Variants in ZNF558 observed in about 807,000 individuals in gnomAD.
ZNF558 encodes zinc finger protein 558.
ZNF558 carries 23 observed loss-of-function variants against 37.6 expected under a neutral mutation model. The ratio of observed to expected loss-of-function variants is 0.61; its 90% CI spans 0.44 to 0.87. The LOEUF (loss-of-function observed/expected upper bound fraction) is 0.87. Ranked by LOEUF, ZNF558 falls within the 40% of genes least tolerant of loss-of-function variation. The pLI is 0.00. For synonymous variants in ZNF558, 189 were observed against 174.4 expected (o/e 1.08, Z -0.66); for missense variants, 429 against 483.7 (o/e 0.89, Z 1.06).
chr19:8,823,510 C>T (rs929598072), intron 4 of ZNF558, among the ~76,000 whole-genome samples: 5 of 126,652 alleles, frequency 3.9e-5, no homozygotes, highest in Non-Finnish European at 8.3e-5. Flanking sequence ...GCCTCAGTTA[C>T]CCCCTCTCCT....
At chr19:8,826,597 G>C (rs2044237426) in intron 2 of ZNF558, among the ~76,000 whole-genome samples, 1 of 152,116 alleles carries the variant, frequency 6.6e-6, no homozygotes, top group South Asian at 2.1e-4. Flanking sequence ...TGCGAGCAAT[G>C]AGGAGTGGCT....
intron 7 of ZNF558, among the ~76,000 whole-genome samples, chr19:8,814,434 G>A (rs782123736): frequency 3.2e-4 from 49 of 152,312 alleles, no homozygotes; most frequent in Middle Eastern, 3.4e-3. Flanking sequence ...CTTGAGGCAA[G>A]AGAAAACAGT....
chr19:8,822,795 T>C lies in ZNF558; in HGVS notation c.-65-71A>G. ...TCGGGCTGCTGGGGATGGGCCCTCC[T>C]CAACCCATCCTTCCCATCCTTCTTC... is the stretch of plus-strand genomic sequence containing the variant. On this transcript the variant is annotated intron_variant, in intron 4 of 9. Coordinates refer to ENST00000601372, the MANE Select transcript of ZNF558 (RefSeq NM_144693.3). The surrounding 1 kb of genome is among the most constrained non-coding windows in gnomAD (Gnocchi z 4.4). The C allele has an allele frequency of 2.2e-6, 3 of 1,338,742 alleles. No individual in the cohort carries two copies. The highest frequency in any genetic ancestry group is 3.2e-6 in the Non-Finnish European group (3 of 951,878). 82.9% of individuals were successfully genotyped at this position (1,338,742 alleles called of 1,614,324 possible). A position where few individuals can be genotyped will look rare whatever the true frequency, so the allele number is the denominator to read the frequency against.
chr19:8,829,196 G>T (rs1464904395), intron 2 of ZNF558, among the ~76,000 whole-genome samples: 1 of 151,876 alleles, frequency 6.6e-6, no homozygotes, highest in East Asian at 1.9e-4. Context: ...GAGGCCGGGG[G>T]TTGCAGTGAG....
chr19:8,814,154 G>A lies in ZNF558; in HGVS notation c.248-932C>T, dbSNP rs111480653. Reference sequence around the variant, plus strand: ...TTCTCAGAAAACCCAGCTGAATCTGGGTAAGAGAGCTTTATGATACTTTAA... The same window carrying A: ...TTCTCAGAAAACCCAGCTGAATCTGAGTAAGAGAGCTTTATGATACTTTAA... On this transcript the variant is annotated intron_variant, in intron 7 of 9. Coordinates refer to ENST00000601372, the MANE Select transcript of ZNF558 (RefSeq NM_144693.3). Among the ~76,000 whole-genome samples, 577 of 152,290 alleles carry A rather than the reference G, an allele frequency of 3.8e-3. 7 individuals are homozygous for A. The highest frequency in any genetic ancestry group is 0.013 in the African/African-American group (552 of 41,558).
the ZNF558 span, among the ~76,000 whole-genome samples, chr19:8,837,916 A>G: frequency 1.3e-5 from 2 of 152,228 alleles, no homozygotes; most frequent in African/African-American, 4.8e-5. Context: ...AGAGTTCCTT[A>G]TACACAGGAG....
chr19:8,832,880 C>A (rs528565863), upstream of ZNF558, among the ~76,000 whole-genome samples: 17 of 150,290 alleles, frequency 1.1e-4, no homozygotes, highest in African/African-American at 3.4e-4. Flanking sequence ...AGCTCCGGGC[C>A]GGGCGGAGGG....
At position 8,811,996 on chromosome 19, in the gene ZNF558, G is replaced by C; in HGVS notation, c.494C>G (p.Ser165Cys). 1 of 1,613,626 alleles carries C rather than the reference G, an allele frequency of 6.2e-7. No individual in the cohort carries two copies. ...AATTCTCTTGTGCTGAGTTAGGTTA[G>C]ATTTCGTGCTGAAGACTTTAAAACA... ...NQCFKVFSTK[S>C]NLTQHKRIHT... Residue 165 changes from serine to cysteine, a missense_variant, in exon 10 of 10, where the codon TCT (serine) becomes TGT (cysteine). Coordinates refer to ENST00000601372, the MANE Select transcript of ZNF558 (RefSeq NM_144693.3).
upstream of ZNF558, among the ~76,000 whole-genome samples, chr19:8,832,751 A>T (rs1413867486): frequency 6.7e-6 from 1 of 148,872 alleles, no homozygotes; most frequent in African/African-American, 2.5e-5. Flanking sequence ...TAGAGCGGGG[A>T]TGACTGAGCA....
chr19:8,837,929 A>G, the ZNF558 span, among the ~76,000 whole-genome samples: 1 of 152,098 alleles, frequency 6.6e-6, no homozygotes, highest in African/African-American at 2.4e-5. Context: ...CACAGGAGAC[A>G]GCAAGGCTGA....
chr19:8,812,697 G>A, intron 8 of ZNF558, 54 bp from the exon 9 acceptor site: 1 of 1,172,206 alleles, frequency 8.5e-7, no homozygotes, highest in Non-Finnish European at 1.2e-6. Context: ...ATGGAAAAGT[G>A]TACACATGAG....
chr19:8,826,437 T>C (rs755977238), intron 2 of ZNF558, among the ~76,000 whole-genome samples: 1 of 151,062 alleles, frequency 6.6e-6, no homozygotes, highest in Non-Finnish European at 1.5e-5. Context: ...CTGGGGGTGA[T>C]GGGAGACAGC....
At chr19:8,827,647 C>T (rs1428619137) in intron 2 of ZNF558, among the ~76,000 whole-genome samples, 1 of 145,680 alleles carries the variant, frequency 6.9e-6, no homozygotes, top group Non-Finnish European at 1.5e-5. Context: ...AATCTCTGCT[C>T]ACTGCAACCT....
Position 8,811,194 on chromosome 19 carries a change from A to G in ZNF558, c.*87T>C, listed in dbSNP as rs1555767746. The G allele has an allele frequency of 1.5e-6, 2 of 1,376,938 alleles. No individual in the cohort carries two copies. Among genetic ancestry groups the G allele is most frequent in the East Asian group, 4.7e-5 (2 of 42,554 alleles). 85.3% of individuals were successfully genotyped at this position (1,376,938 alleles called of 1,614,324 possible). ...GATCATTTGTTATGCTGCAACAAATAACTTATATATCCAGTGTGAGCTCTC... is the reference window on the plus strand; with the variant it reads ...GATCATTTGTTATGCTGCAACAAATGACTTATATATCCAGTGTGAGCTCTC... On this transcript the variant is annotated 3_prime_UTR_variant, in exon 10 of 10. Coordinates refer to ENST00000601372, the MANE Select transcript of ZNF558 (RefSeq NM_144693.3).
upstream of ZNF558, among the ~76,000 whole-genome samples, chr19:8,836,082 G>A (rs74599256): frequency 4.0e-3 from 616 of 152,276 alleles, 3 homozygotes; most frequent in African/African-American, 0.013. Flanking sequence ...TGACGATTGC[G>A]CAACTGTGTG....
At chr19:8,830,897 G>GA (rs60895228) in intron 2 of ZNF558, 196 of 139,044 alleles carry the variant, frequency 1.4e-3, no homozygotes, top group Middle Eastern at 7.3e-3. Context: ...TTGGTCTCAA[G>GA]AAAAAAAAAA....
intron 7 of ZNF558, among the ~76,000 whole-genome samples, chr19:8,818,431 A>G (rs2043997239): frequency 6.6e-6 from 1 of 152,176 alleles, no homozygotes; most frequent in African/African-American, 2.4e-5. Flanking sequence ...CAGCCTGGTG[A>G]CAGAGTGAGA....
rs782492326 is a variant in ZNF558, at chr19:8,813,235, AC to A, written c.248-14del. 1.3e-6 allele frequency: 2 copies of A among 1,569,246 alleles called. No homozygotes were observed. The highest frequency in any genetic ancestry group is 1.7e-6 in the Non-Finnish European group (2 of 1,153,584). On this transcript the variant is annotated splice_polypyrimidine_tract_variant and intron_variant, in intron 7 of 9. Transcript: ENST00000601372. ...TTAACACGACACCCTATTTATGGAA[AC>A]AATACACATGATATAGGTAACAGTG...
Position 8,821,296 on chromosome 19 carries a change from G to C in ZNF558, c.131C>G (p.Thr44Ser). 1 of 1,614,170 alleles carries C rather than the reference G, an allele frequency of 6.2e-7. No homozygotes were observed. Among genetic ancestry groups the C allele is most frequent in the Non-Finnish European group, 8.5e-7 (1 of 1,180,032 alleles). The change falls in exon 7 of 10, where the codon ACC (threonine) becomes AGC (serine). Residue 44 changes from threonine (T) to serine (S), a missense_variant. Thr to Ser is a moderately conservative substitution (Grantham distance 58). Coordinates refer to ENST00000601372, the MANE Select transcript of ZNF558 (RefSeq NM_144693.3). Reference protein sequence around the residue: ...LLTSWLRGLVTFEDVAVEFTQ... With the variant: ...LLTSWLRGLVSFEDVAVEFTQ... ...GAACTCCACGGCCACATCCTCGAAGGTTACCAAGCCCTAAAGCATTGCAAA... is the reference window on the plus strand; with the variant it reads ...GAACTCCACGGCCACATCCTCGAAGCTTACCAAGCCCTAAAGCATTGCAAA...
Sources: gnomAD v4.1 joint callset for allele counts (sites outside exome capture counted in the v4.1 genomes callset) on GRCh38, gnomAD v4.1.1 for gene constraint, Gnocchi (gnomAD v3.1) non-coding constraint, MANE v1.5 for transcripts, NCBI Gene and HGNC (gene_info 2026-07-23, HGNC 2026-07-21) for gene names.